The following IL7 variants were observed in gnomAD, a reference collection of about 807,000 sequenced individuals.
IL7 encodes interleukin-7.
IL7 carries 3 observed loss-of-function variants against 21.6 expected under a neutral mutation model. The ratio of observed to expected loss-of-function variants is 0.14; its 90% CI spans 0.06 to 0.36. The LOEUF (loss-of-function observed/expected upper bound fraction) is 0.36, where lower values mean the gene tolerates loss of function less well. Among genes scored for constraint, IL7 ranks in the 10% least tolerant of loss-of-function variants. IL7 has a pLI of 1.00. For missense variants in IL7, 175 were observed against 200.2 expected (o/e 0.87, Z 0.76); for synonymous variants, 62 against 68.1 (o/e 0.91, Z 0.44).
At chr8:78,715,210 C>CT (rs1563641476), downstream of IL7, 14 of 1,609,632 alleles carry the variant, frequency 8.7e-6, no homozygotes, top group Non-Finnish European at 1.2e-5. Flanking sequence ...TATTTTTCCT[C>CT]TTTTTTATAG....
chr8:78,723,405 T>A (rs1192261380), intron 3 of IL7, among the ~76,000 whole-genome samples: 1 of 151,956 alleles, frequency 6.6e-6, no homozygotes, highest in Non-Finnish European at 1.5e-5. Context: ...ACCTTAAAAT[T>A]ACCTCCGTTT....
At chr8:78,711,985 A>C in intron 3 of IL7, 2 of 1,286,938 alleles carry the variant, frequency 1.6e-6, no homozygotes, top group South Asian at 2.5e-5. Context: ...TATATATTTT[A>C]ATAGTAATAT....
At chr8:78,770,862 T>G (rs1462508047) in intron 2 of IL7, among the ~76,000 whole-genome samples, 1 of 152,104 alleles carries the variant, frequency 6.6e-6, no homozygotes, top group Admixed American at 6.6e-5. Flanking sequence ...ATTATTATAA[T>G]TTAAGCCTTT....
chr8:78,714,037 A>G (rs900620283), downstream of IL7, among the ~76,000 whole-genome samples: 1 of 152,176 alleles, frequency 6.6e-6, no homozygotes, highest in Non-Finnish European at 1.5e-5. Flanking sequence ...AGAGTAAGAA[A>G]AATTTCAACT....
At chr8:78,682,660 C>T (rs1206238596) in intron 4 of IL7, among the ~76,000 whole-genome samples, 1 of 152,150 alleles carries the variant, frequency 6.6e-6, no homozygotes, top group Admixed American at 6.5e-5. Context: ...CCATATCATT[C>T]TGTCCCTGGC....
In IL7 at chr8:78,765,801, C is replaced by G. The variant is rs181639677; in HGVS notation, c.148-25719G>C. ...TTCTACAAAACTAAACAATCTCTTA[C>G]GACATAATGCAGCAATCCTTGCTAT... is the stretch of plus-strand genomic sequence containing the variant. On this transcript the variant is annotated intron_variant, in intron 2 of 5. Coordinates refer to ENST00000263851, the MANE Select transcript of IL7 (RefSeq NM_000880.4). 2.6e-5 allele frequency among the ~76,000 whole-genome samples: 4 copies of G among 152,200 alleles called. No homozygotes were observed. The East Asian group carries it at 7.7e-4, about 29-fold the overall frequency.
chr8:78,718,682 T>G (rs187548793), intron 6 of IL7: 22 of 152,008 alleles, frequency 1.4e-4, no homozygotes, highest in African/African-American at 5.3e-4. Context: ...CACACAAATT[T>G]AATTATTTTT....
intron 2 of IL7, chr8:78,761,177 T>G (rs1386717201): frequency 6.3e-6 from 10 of 1,593,428 alleles, no homozygotes; most frequent in Non-Finnish European, 8.5e-6. Flanking sequence ...CTTCAGTTCT[T>G]TACCCCTTTC....
intron 6 of IL7, chr8:78,718,110 A>G (rs1811163029): frequency 6.6e-6 from 1 of 152,046 alleles, no homozygotes; most frequent in African/African-American, 2.4e-5. Context: ...GTAAAAGTGT[A>G]ATTATGCAAT....
chr8:78,781,816 C>T (rs1813341176), intron 2 of IL7, among the ~76,000 whole-genome samples: 1 of 152,140 alleles, frequency 6.6e-6, no homozygotes, highest in African/African-American at 2.4e-5. Context: ...AGCATGTTTT[C>T]CAAGTTAGTT....
downstream of IL7, among the ~76,000 whole-genome samples, chr8:78,713,056 ACT>A (rs370465171): frequency 2.0e-5 from 3 of 152,224 alleles, no homozygotes; most frequent in East Asian, 3.9e-4. Flanking sequence ...TACTGTCAGA[ACT>A]CTCTGATGCA....
chr8:78,730,158 A>G (rs1472169449), downstream of IL7, among the ~76,000 whole-genome samples: 2 of 151,982 alleles, frequency 1.3e-5, no homozygotes, highest in Non-Finnish European at 2.9e-5. Flanking sequence ...TTAAGTAACA[A>G]TGACCTCTCC....
Position 78,737,187 on chromosome 8 carries a change from G to A in IL7, c.361-660C>T, listed in dbSNP as rs560558959. ...AATCACAAATATATAACATACCTAA[G>A]ACCTTTACCTCTTAGTAGACCAAGA... On this transcript the variant is annotated intron_variant, in intron 4 of 5. Transcript: ENST00000263851. Among the ~76,000 whole-genome samples, 3 of 152,052 alleles carry A rather than the reference G, an allele frequency of 2.0e-5. No individual in the cohort carries two copies. In the South Asian group the frequency reaches 6.2e-4, roughly 32 times the overall value.
At chr8:78,717,391 A>T, downstream of IL7, 1 of 1,613,600 alleles carries the variant, frequency 6.2e-7, no homozygotes, top group Non-Finnish European at 8.5e-7. Context: ...AAGGACATTC[A>T]CCTGGAAACT....
chr8:78,695,447 T>C (rs1187597520), intron 3 of IL7, among the ~76,000 whole-genome samples: 1 of 152,224 alleles, frequency 6.6e-6, no homozygotes, highest in African/African-American at 2.4e-5. Flanking sequence ...CAATATGTAA[T>C]AGGCCACATC....
At chr8:78,737,689 C>T (rs975322017) in intron 4 of IL7, among the ~76,000 whole-genome samples, 1 of 152,006 alleles carries the variant, frequency 6.6e-6, no homozygotes, top group Non-Finnish European at 1.5e-5. Context: ...ACTACTAGTG[C>T]TCAAACAAAA....
intron 2 of IL7, among the ~76,000 whole-genome samples, chr8:78,787,299 C>A (rs1054761797): frequency 1.3e-5 from 2 of 152,032 alleles, no homozygotes; most frequent in African/African-American, 4.8e-5. Context: ...ATGAAGACAG[C>A]CTCAACCTGT....
chr8:78,775,508 A>G (rs1448171951), intron 2 of IL7, among the ~76,000 whole-genome samples: 1 of 152,164 alleles, frequency 6.6e-6, no homozygotes, highest in Non-Finnish European at 1.5e-5. Flanking sequence ...GAATAGTTTT[A>G]CAGCAGGAAT....
At chr8:78,720,369 A>G (rs978763880) in intron 5 of IL7, among the ~76,000 whole-genome samples, 1 of 151,854 alleles carries the variant, frequency 6.6e-6, no homozygotes, top group African/African-American at 2.4e-5. Context: ...AAATGACTAT[A>G]TTATTAAATA....
Sources: allele counts gnomAD v4.1 joint callset (sites outside exome capture counted in the v4.1 genomes callset), GRCh38; gene constraint gnomAD v4.1.1; transcripts MANE v1.5; gene names NCBI Gene and HGNC (gene_info 2026-07-23, HGNC 2026-07-21).